RASSF2: variants seen among roughly 807,000 people sequenced by gnomAD.
RASSF2 encodes the protein ras association domain-containing protein 2.
A neutral mutation model predicts 46.3 loss-of-function variants in RASSF2; 34 were observed. The observed-to-expected ratio is 0.73, with a 90% confidence interval of 0.56 to 0.98. RASSF2 has a LOEUF of 0.98. Among genes scored for constraint, RASSF2 ranks in the 50% least tolerant of loss-of-function variants. The probability of loss-of-function intolerance (pLI) is 0.00; values close to 1 mark genes in which losing one functional copy is unlikely to be tolerated. For missense variants in RASSF2, 364 were observed against 431.2 expected (o/e 0.84, Z 1.38); for synonymous variants, 158 against 162.5 (o/e 0.97, Z 0.21).
At chr20:4,797,871 C>A (rs6052889) in intron 4 of RASSF2, 139 bp downstream of exon 4, 91,759 of 1,392,810 alleles carry the variant, frequency 0.066, 3,831 homozygotes, top group African/African-American at 0.16. Context: ...TCCAAAGAAC[C>A]CCAAGGACTC....
At chr20:4,791,125 T>C (rs929868548) in intron 6 of RASSF2, among the ~76,000 whole-genome samples, 1 of 152,200 alleles carries the variant, frequency 6.6e-6, no homozygotes, top group East Asian at 1.9e-4. Flanking sequence ...ATTCCACTTA[T>C]ATGAGATACT....
At chr20:4,792,770 A>AG in intron 5 of RASSF2, 143 bp from the exon 6 acceptor site, 1 of 1,442,164 alleles carries the variant, frequency 6.9e-7, no homozygotes. Flanking sequence ...CAGGTGATGA[A>AG]GGGTGCAGAT....
intron 2 of RASSF2, among the ~76,000 whole-genome samples, chr20:4,809,524 C>T (rs1051037822): frequency 2.0e-5 from 3 of 152,144 alleles, no homozygotes; most frequent in East Asian, 1.9e-4. Context: ...TTTCTCTCCC[C>T]TCCTGGGCCT....
At chr20:4,821,171 T>G (rs139028446) in intron 2 of RASSF2, among the ~76,000 whole-genome samples, 190 of 151,990 alleles carry the variant, frequency 1.3e-3, no homozygotes, top group African/African-American at 4.4e-3. Context: ...ATGTCTCAGG[T>G]GGGTCAGAGC....
At position 4,795,420 on chromosome 20, in the gene RASSF2, T is replaced by A. The variant is rs116748498; in HGVS notation, c.287+395A>T. On this transcript the variant is annotated intron_variant, in intron 5 of 11. Coordinates refer to ENST00000379400, the MANE Select transcript of RASSF2 (RefSeq NM_014737.3). The surrounding 1 kb of genome is among the most constrained non-coding windows in gnomAD (Gnocchi z 4.0). ...TCATAAATGCTTTGGAGTGGGGCTA[T>A]TCTATGAGGAGTGGTCCCAGTGGGG... 1,572 of 163,288 alleles carry A rather than the reference T, an allele frequency of 9.6e-3. 26 individuals are homozygous for A. Among genetic ancestry groups the A allele is most frequent in the African/African-American group, 0.036 (1,503 of 41,982 alleles). The allele number at this position is 163,288 out of a possible 1,614,324, so 10.1% of individuals were successfully genotyped here.
chr20:4,787,727 T>C lies in RASSF2; in HGVS notation c.719A>G (p.Tyr240Cys), dbSNP rs1925487486. The stretch of plus-strand genomic sequence containing the variant: ...CTGGAGGATTCGGGCAATCAGCGGG[T>C]AATCGGTGGCCTTCAGCTTCTGTTT... The part of the protein sequence containing the change: ...GEKQKLKATD[Y>C]PLIARILQGP... Residue 240 changes from tyrosine to cysteine, a missense_variant, in exon 10 of 12, where the codon TAC (tyrosine) becomes TGC (cysteine). Tyr to Cys is a radical substitution (Grantham distance 194, BLOSUM62 -2). Coordinates refer to ENST00000379400, the MANE Select transcript of RASSF2 (RefSeq NM_014737.3). The C allele has an allele frequency of 6.2e-7, 1 of 1,614,070 alleles. No individual in the cohort carries two copies. The highest frequency in any genetic ancestry group is 1.3e-5 in the African/African-American group (1 of 75,020).
At chr20:4,811,573 G>A (rs1418385137) in intron 2 of RASSF2, among the ~76,000 whole-genome samples, 1 of 152,106 alleles carries the variant, frequency 6.6e-6, no homozygotes, top group Non-Finnish European at 1.5e-5. Context: ...AAGAAAGGAA[G>A]GGGTGGAATT....
intron 5 of RASSF2, among the ~76,000 whole-genome samples, chr20:4,793,525 T>A (rs2422999): frequency 1.3e-5 from 2 of 152,038 alleles, no homozygotes; most frequent in Non-Finnish European, 1.5e-5. Context: ...AGAATGGACC[T>A]GGTCAGAGCT....
intron 2 of RASSF2, among the ~76,000 whole-genome samples, chr20:4,805,720 C>T (rs889048058): frequency 6.6e-6 from 1 of 151,922 alleles, no homozygotes; most frequent in African/African-American, 2.4e-5. Context: ...GGCCGGAGCC[C>T]GAGTTGGAGA....
chr20:4,794,972 T>A (rs531895770), intron 5 of RASSF2, among the ~76,000 whole-genome samples: 14 of 152,268 alleles, frequency 9.2e-5, no homozygotes, highest in African/African-American at 3.1e-4. Context: ...AGGGCTTGGT[T>A]TTCATTTAAA....
intron 2 of RASSF2, among the ~76,000 whole-genome samples, chr20:4,805,055 C>T (rs1026663792): frequency 6.6e-6 from 1 of 152,056 alleles, no homozygotes; most frequent in East Asian, 1.9e-4. Flanking sequence ...GAACCCCGAC[C>T]TGGTGAGGAG....
rs2423024 is a variant in RASSF2, at chr20:4,809,934, C to T, written c.-32-8872G>A. ...GTCAATCATTGGCAGAGGGACAGCC[C>T]GTAGGCATTTCCCTGCAAGAGCAAT... On this transcript the variant is annotated intron_variant, in intron 2 of 11. Coordinates refer to ENST00000379400, the MANE Select transcript of RASSF2 (RefSeq NM_014737.3). Among the ~76,000 whole-genome samples the T allele has an allele frequency of 1.1e-3, 165 of 152,232 alleles. 3 individuals are homozygous for T. In the East Asian group the frequency reaches 0.027, roughly 25 times the overall value.
At chr20:4,818,680 G>A (rs1016766691) in intron 2 of RASSF2, among the ~76,000 whole-genome samples, 7 of 152,134 alleles carry the variant, frequency 4.6e-5, no homozygotes, top group African/African-American at 7.2e-5. Flanking sequence ...CCAGCACGTC[G>A]CTGGTCACAA....
intron 8 of RASSF2, among the ~76,000 whole-genome samples, chr20:4,789,303 G>A (rs187877169): frequency 6.6e-6 from 1 of 152,226 alleles, no homozygotes; most frequent in East Asian, 1.9e-4. Flanking sequence ...ACTTCGGTAG[G>A]CATCCAAATC....
At chr20:4,817,831 G>T (rs1404155926) in intron 2 of RASSF2, among the ~76,000 whole-genome samples, 1 of 152,154 alleles carries the variant, frequency 6.6e-6, no homozygotes, top group African/African-American at 2.4e-5. Context: ...TGTCATTAAA[G>T]GTTTTGTTCT....
chr20:4,784,194 A>AACATTTAGCACCCC lies in RASSF2; in HGVS notation c.*78_*79insGGGGTGCTAAATGT. 1 of 1,423,948 alleles carries AACATTTAGCACCCC rather than the reference A, an allele frequency of 7.0e-7. No individual in the cohort carries two copies. The highest frequency in any genetic ancestry group is 1.1e-5 in the South Asian group (1 of 87,066). 88.2% of individuals were successfully genotyped at this position (1,423,948 alleles called of 1,614,324 possible). On this transcript the variant is annotated 3_prime_UTR_variant, in exon 12 of 12. Coordinates refer to ENST00000379400, the MANE Select transcript of RASSF2 (RefSeq NM_014737.3). ...GGTTTGTGTCTAAATGTTTCCATGG[A>AACATTTAGCACCCC]AAGAAAGTGCCTAGCTTCCTGGGGG...
At position 4,795,949 on chromosome 20, in the gene RASSF2, A is replaced by AATGAACTCGTC; in HGVS notation, c.142_152dup (p.Ile51MetfsTer10). 1 of 1,536,182 alleles carries AATGAACTCGTC rather than the reference A, an allele frequency of 6.5e-7. No homozygotes were observed. Among genetic ancestry groups the AATGAACTCGTC allele is most frequent in the Non-Finnish European group, 8.8e-7 (1 of 1,135,954 alleles). ...AGGAGATGTTCAGGAGCCCCTCCAC[A>AATGAACTCGTC]ATGAACTCGTCTTCTTCCTGCCCAC... On this transcript the variant is annotated frameshift_variant, in exon 5 of 12. Transcript: ENST00000379400. LOFTEE classifies it high-confidence loss of function. This position sits in a 1 kb window ranked among gnomAD's most constrained non-coding sequence, Gnocchi z 4.0.
chr20:4,791,558 TA>T (rs1206830257), intron 6 of RASSF2, among the ~76,000 whole-genome samples: 2 of 152,212 alleles, frequency 1.3e-5, no homozygotes, highest in Non-Finnish European at 2.9e-5. Context: ...TAATCACAAG[TA>T]GGTTAATCTG....
intron 11 of RASSF2, 120 bp from the exon 12 acceptor site, chr20:4,784,462 G>C: frequency 2.4e-6 from 2 of 841,230 alleles, no homozygotes. Flanking sequence ...CAAGTGCCCT[G>C]CTCCTTTGCT....
Sources: gnomAD v4.1 joint callset for allele counts (sites outside exome capture counted in the v4.1 genomes callset) on GRCh38, gnomAD v4.1.1 for gene constraint, Gnocchi (gnomAD v3.1) non-coding constraint, MANE v1.5 for transcripts, NCBI Gene and HGNC (gene_info 2026-07-23, HGNC 2026-07-21) for gene names.